Variants in COL11A1 observed in about 807,000 individuals in gnomAD.
The protein encoded by COL11A1 is collagen type XI alpha 1 chain.
COL11A1 carries 74 observed loss-of-function variants against 265.2 expected under a neutral mutation model. The ratio of observed to expected loss-of-function variants is 0.28; its 90% CI spans 0.23 to 0.34. The LOEUF (loss-of-function observed/expected upper bound fraction) is 0.34. Ranked by LOEUF, COL11A1 falls within the 10% of genes least tolerant of loss-of-function variation. The pLI is 1.00. For synonymous variants in COL11A1, 816 were observed against 727.6 expected, an observed-to-expected ratio of 1.12 and a Z score of -1.96; for missense variants, 2,165 against 2,263.6, an observed-to-expected ratio of 0.96 and a Z score of 0.88.
In COL11A1 at chr1:102,891,429, G is replaced by A. The variant is rs972586103; in HGVS notation, c.4303-925C>T. ...TATACTTCTATTTCAATAATTTAAC[G>A]TTTTTAATAGTCCCAGACTAAGACA... is the stretch of plus-strand genomic sequence containing the variant. On this transcript the variant is annotated intron_variant, in intron 57 of 66. Transcript: ENST00000370096. 5.3e-5 allele frequency among the ~76,000 whole-genome samples: 8 copies of A among 151,596 alleles called. No homozygotes were observed. The East Asian group carries it at 5.8e-4, about 11-fold the overall frequency.
At chr1:103,085,389 CA>C (rs1404871696) in intron 1 of COL11A1, among the ~76,000 whole-genome samples, 2 of 152,150 alleles carry the variant, frequency 1.3e-5, no homozygotes, top group African/African-American at 4.8e-5. Context: ...CCCACTCAAC[CA>C]GACTGGGACC....
At chr1:102,976,723 A>C (rs1354529013) in intron 35 of COL11A1, among the ~76,000 whole-genome samples, 1 of 152,162 alleles carries the variant, frequency 6.6e-6, no homozygotes, top group East Asian at 1.9e-4. Flanking sequence ...CCTAAATTTG[A>C]GCTTTAAATA....
At chr1:102,941,094 T>G (rs1003950179) in intron 42 of COL11A1, among the ~76,000 whole-genome samples, 1 of 152,182 alleles carries the variant, frequency 6.6e-6, no homozygotes, top group African/African-American at 2.4e-5. Flanking sequence ...CAGAGGTCCT[T>G]TCTGTCCTTC....
At chr1:103,095,893 G>A (rs992901016) in intron 1 of COL11A1, among the ~76,000 whole-genome samples, 1 of 152,004 alleles carries the variant, frequency 6.6e-6, no homozygotes, top group African/African-American at 2.4e-5. Context: ...ATGTGAATAT[G>A]TGAATACTGC....
chr1:103,106,546 C>A (rs748291090), intron 1 of COL11A1, among the ~76,000 whole-genome samples: 1 of 152,150 alleles, frequency 6.6e-6, no homozygotes, highest in Non-Finnish European at 1.5e-5. Context: ...ACCAATCCAA[C>A]CGGTGACCAG....
intron 35 of COL11A1, among the ~76,000 whole-genome samples, chr1:102,977,490 T>C (rs1032699616): frequency 6.6e-6 from 1 of 152,176 alleles, no homozygotes; most frequent in Non-Finnish European, 1.5e-5. Context: ...TAAAATGCAG[T>C]ATCAGCAAAA....
intron 57 of COL11A1, among the ~76,000 whole-genome samples, chr1:102,892,685 G>C (rs1051486935): frequency 2.6e-5 from 4 of 152,224 alleles, no homozygotes; most frequent in Admixed American, 2.0e-4. Flanking sequence ...CAAGAATAGT[G>C]TTAATATAAA....
chr1:102,928,967 G>A (rs1295960536), intron 46 of COL11A1, among the ~76,000 whole-genome samples: 1 of 86,182 alleles, frequency 1.2e-5, no homozygotes, highest in Non-Finnish European at 2.8e-5. Context: ...ATTTGTTTGA[G>A]TTCATTGTAG....
At chr1:103,091,136 A>G (rs1285961527) in intron 1 of COL11A1, among the ~76,000 whole-genome samples, 1 of 152,110 alleles carries the variant, frequency 6.6e-6, no homozygotes, top group African/African-American at 2.4e-5. Flanking sequence ...TGCATTGCAT[A>G]GAAATTGATA....
At chr1:102,985,153 T>G (rs536165699) in intron 30 of COL11A1, among the ~76,000 whole-genome samples, 40 of 152,216 alleles carry the variant, frequency 2.6e-4, no homozygotes, top group African/African-American at 9.6e-4. Flanking sequence ...TTTACTAATG[T>G]CTTAAACATT....
intron 46 of COL11A1, among the ~76,000 whole-genome samples, chr1:102,923,935 G>A (rs527751929): frequency 2.0e-5 from 3 of 151,900 alleles, no homozygotes; most frequent in South Asian, 2.1e-4. Flanking sequence ...CAGGCCGGGC[G>A]CAGTGGCTCA....
chr1:103,039,445 A>G (rs568649171), intron 4 of COL11A1, among the ~76,000 whole-genome samples: 48 of 152,264 alleles, frequency 3.2e-4, no homozygotes, highest in African/African-American at 1.1e-3. Flanking sequence ...GAAGGTAATT[A>G]AGGTTAAACG....
At chr1:103,082,700 A>T (rs1672506688) in intron 2 of COL11A1, 105 bp downstream of exon 2, 3 of 1,011,800 alleles carry the variant, frequency 3.0e-6, no homozygotes, top group Non-Finnish European at 4.4e-6. Context: ...ATCTAACCTG[A>T]TAAAAATACT....
At chr1:102,912,030 T>C in intron 54 of COL11A1, 129 bp downstream of exon 54, 2 of 765,624 alleles carry the variant, frequency 2.6e-6, no homozygotes, top group Non-Finnish European at 4.2e-6. Context: ...CATTTAAAAA[T>C]TGTTTTTAGG....
chr1:102,958,711 T>C (rs769668432), intron 41 of COL11A1, among the ~76,000 whole-genome samples: 6 of 152,202 alleles, frequency 3.9e-5, no homozygotes, highest in Non-Finnish European at 8.8e-5. Context: ...TTTGCAAATA[T>C]AAGAATGGTT....
chr1:102,939,202 G>A (rs779659069), intron 43 of COL11A1, 114 bp from the exon 44 acceptor site: 84 of 946,234 alleles, frequency 8.9e-5, no homozygotes, highest in Non-Finnish European at 1.4e-4. Flanking sequence ...AGTGTGTAAT[G>A]TCACTGTTTA....
chr1:103,047,291 G>T (rs1276688898), intron 4 of COL11A1, among the ~76,000 whole-genome samples: 2 of 152,092 alleles, frequency 1.3e-5, no homozygotes, highest in Non-Finnish European at 2.9e-5. Flanking sequence ...ATTGAGCAGT[G>T]GTTTGTAGTT....
intron 42 of COL11A1, among the ~76,000 whole-genome samples, 160 bp from the exon 43 acceptor site, chr1:102,940,594 A>T (rs1658623458): frequency 6.6e-6 from 1 of 152,194 alleles, no homozygotes; most frequent in Admixed American, 6.5e-5. Flanking sequence ...ATTTGTGACT[A>T]AGAATACTAT....
chr1:102,925,661 C>T (rs1423343698), intron 46 of COL11A1, among the ~76,000 whole-genome samples: 4 of 151,888 alleles, frequency 2.6e-5, no homozygotes, highest in Admixed American at 1.3e-4. Context: ...TCTTATAGAC[C>T]TAAAAATTGT....
Sources: allele counts gnomAD v4.1 joint callset (sites outside exome capture counted in the v4.1 genomes callset), GRCh38; gene constraint gnomAD v4.1.1; transcripts MANE v1.5; gene names NCBI Gene and HGNC (gene_info 2026-07-23, HGNC 2026-07-21).